Variants in NEGR1 observed in about 807,000 individuals in gnomAD.
The protein encoded by NEGR1 is neuronal growth regulator 1, also known as IgLON family member 4.
Under a neutral mutation model 40.9 loss-of-function variants are expected in NEGR1, and 10 were observed. That is an observed-to-expected ratio of 0.24 (90% CI 0.15 to 0.42). The LOEUF is 0.42. Ranked by LOEUF, NEGR1 falls within the 10% of genes least tolerant of loss-of-function variation. The pLI, the probability that NEGR1 is intolerant of heterozygous loss-of-function variation, is 1.00. For missense variants in NEGR1, 352 were observed against 438.9 expected, an observed-to-expected ratio of 0.80 and a Z score of 1.77; for synonymous variants, 185 against 166.8, an observed-to-expected ratio of 1.11 and a Z score of -0.84.
chr1:71,902,617 A>G (rs1661171616), intron 2 of NEGR1, among the ~76,000 whole-genome samples: 1 of 152,116 alleles, frequency 6.6e-6, no homozygotes, highest in Non-Finnish European at 1.5e-5. Flanking sequence ...TTTGAATTAA[A>G]CACCTTTTAA....
chr1:71,452,201 G>A (rs1244708737), intron 6 of NEGR1, among the ~76,000 whole-genome samples: 2 of 152,088 alleles, frequency 1.3e-5, no homozygotes, highest in East Asian at 1.9e-4. Flanking sequence ...TTTGAGCATC[G>A]AATTGGAGGG....
At chr1:71,466,075 A>G (rs1557535917) in intron 6 of NEGR1, among the ~76,000 whole-genome samples, 1 of 151,984 alleles carries the variant, frequency 6.6e-6, no homozygotes, top group Admixed American at 6.6e-5. Context: ...TGACCACTTA[A>G]ATTATTTGAA....
At chr1:71,596,175 G>A (rs531993152) in intron 5 of NEGR1, among the ~76,000 whole-genome samples, 5 of 152,128 alleles carry the variant, frequency 3.3e-5, no homozygotes, top group Admixed American at 6.5e-5. Context: ...TCTTCATTGC[G>A]TTTTTATCAT....
At chr1:71,707,104 A>G (rs1653926735) in intron 3 of NEGR1, among the ~76,000 whole-genome samples, 2 of 148,164 alleles carry the variant, frequency 1.3e-5, no homozygotes, top group African/African-American at 5.0e-5. Context: ...TTTGATTGAG[A>G]GTGCTTGAGA....
intron 6 of NEGR1, among the ~76,000 whole-genome samples, chr1:71,437,488 C>A (rs1408030474): frequency 6.6e-6 from 1 of 151,868 alleles, no homozygotes; most frequent in Non-Finnish European, 1.5e-5. Flanking sequence ...TCTTACCTAT[C>A]GTAAATAATG....
chr1:72,099,900 T>TAC lies in NEGR1; in HGVS notation c.177-164591_177-164590dup, dbSNP rs1362525942. On this transcript the variant is annotated intron_variant, in intron 1 of 6. Coordinates refer to ENST00000357731, the MANE Select transcript of NEGR1 (RefSeq NM_173808.3). ...CTCTCTCTCTCCATATATATATATA[T>TAC]ACACACACACACATACACATACATA... Among the ~76,000 whole-genome samples, 10 of 149,680 alleles carry TAC rather than the reference T, an allele frequency of 6.7e-5. 1 individual carries two copies. Among genetic ancestry groups the TAC allele is most frequent in the South Asian group, 2.1e-4 (1 of 4,806 alleles).
At chr1:71,514,452 C>G (rs1198777027) in intron 6 of NEGR1, among the ~76,000 whole-genome samples, 2 of 94,396 alleles carry the variant, frequency 2.1e-5, no homozygotes, top group African/African-American at 9.2e-5. Context: ...AGGCACCCCC[C>G]AGCAGGGGCA....
At chr1:71,692,930 T>A (rs972545382) in intron 4 of NEGR1, among the ~76,000 whole-genome samples, 1 of 151,912 alleles carries the variant, frequency 6.6e-6, no homozygotes, top group East Asian at 1.9e-4. Flanking sequence ...TAATTTCTGA[T>A]ACCAAATAAA....
chr1:72,042,731 G>C (rs1055941370), intron 1 of NEGR1, among the ~76,000 whole-genome samples: 1 of 151,906 alleles, frequency 6.6e-6, no homozygotes, highest in East Asian at 1.9e-4. Flanking sequence ...ATGTAATTTG[G>C]AATTTTGTAT....
chr1:71,602,776 A>G (rs1649966564), intron 5 of NEGR1, among the ~76,000 whole-genome samples: 3 of 152,214 alleles, frequency 2.0e-5, no homozygotes, highest in African/African-American at 7.2e-5. Context: ...CTACACTCTA[A>G]GTCACAGGAT....
intron 6 of NEGR1, among the ~76,000 whole-genome samples, chr1:71,499,064 T>C (rs1646983133): frequency 6.6e-6 from 1 of 152,188 alleles, no homozygotes; most frequent in Non-Finnish European, 1.5e-5. Flanking sequence ...TTCAGCTTTC[T>C]TCATTTTCTC....
intron 4 of NEGR1, among the ~76,000 whole-genome samples, chr1:71,620,473 G>A (rs1650576402): frequency 6.6e-6 from 1 of 151,932 alleles, no homozygotes; most frequent in Non-Finnish European, 1.5e-5. Context: ...AGAGTTATAG[G>A]TAGTTAAAAA....
intron 6 of NEGR1, among the ~76,000 whole-genome samples, chr1:71,458,271 T>C (rs1646689092): frequency 6.6e-6 from 1 of 152,246 alleles, no homozygotes; most frequent in Non-Finnish European, 1.5e-5. Flanking sequence ...CATTATATTC[T>C]CTAAATGTTC....
rs1288369503 is a variant in NEGR1 at position 72,164,260 on chromosome 1, G to A, written c.176+118059C>T. ...TCTTTCTTAAAAGAAGGTAGCTTAT[G>A]TTTAGAATGTAACCCATTGACTTGA... On this transcript the variant is annotated intron_variant, in intron 1 of 6. Transcript: ENST00000357731. Among the ~76,000 whole-genome samples, 2 of 151,636 alleles carry A rather than the reference G, an allele frequency of 1.3e-5. 1 individual carries two copies. The highest frequency in any genetic ancestry group is 3.0e-5 in the Non-Finnish European group (2 of 67,796).
intron 2 of NEGR1, among the ~76,000 whole-genome samples, chr1:71,841,710 T>A (rs1003041780): frequency 1.3e-5 from 2 of 152,184 alleles, no homozygotes; most frequent in African/African-American, 4.8e-5. Context: ...ATAAGGATAA[T>A]GTATGCAATG....
chr1:71,929,171 AC>A (rs1557439982), intron 2 of NEGR1, among the ~76,000 whole-genome samples: 3 of 152,100 alleles, frequency 2.0e-5, no homozygotes, highest in Non-Finnish European at 4.4e-5. Flanking sequence ...TAGATCATGT[AC>A]AAAAAAACAT....
Position 71,852,027 on chromosome 1 carries a change from A to G in NEGR1, c.410-75730T>C, listed in dbSNP as rs528779694. Among the ~76,000 whole-genome samples, 5 of 152,278 alleles carry G rather than the reference A, an allele frequency of 3.3e-5. No individual in the cohort carries two copies. The East Asian group carries it at 9.7e-4, about 29-fold the overall frequency. ...AAAGGGCACAGACTTTGGAACCAGA[A>G]AATACTGTATTTGAATTATAAAGCT... is the stretch of plus-strand genomic sequence containing the variant. On this transcript the variant is annotated intron_variant, in intron 2 of 6. Transcript: ENST00000357731.
At chr1:71,490,568 C>A (rs531682475) in intron 6 of NEGR1, among the ~76,000 whole-genome samples, 1 of 152,038 alleles carries the variant, frequency 6.6e-6, no homozygotes, top group East Asian at 1.9e-4. Context: ...CCATTCTATG[C>A]GATGCCATAC....
At chr1:71,469,411 T>C (rs1209368441) in intron 6 of NEGR1, among the ~76,000 whole-genome samples, 1 of 152,070 alleles carries the variant, frequency 6.6e-6, no homozygotes, top group African/African-American at 2.4e-5. Context: ...GTAATTAAAT[T>C]CTAATAAGGA....
Sources: gnomAD v4.1 joint callset for allele counts (sites outside exome capture counted in the v4.1 genomes callset) on GRCh38, gnomAD v4.1.1 for gene constraint, MANE v1.5 for transcripts, NCBI Gene and HGNC (gene_info 2026-07-23, HGNC 2026-07-21) for gene names.